CFAP57: variants seen among roughly 807,000 people sequenced by gnomAD.
CFAP57 encodes cilia and flagella associated protein 57, also known as cilia- and flagella-associated protein 57.
CFAP57 carries 116 observed loss-of-function variants against 146.8 expected under a neutral mutation model. The ratio of observed to expected loss-of-function variants is 0.79; its 90% CI spans 0.68 to 0.92. The LOEUF is 0.92. CFAP57 is among the 40% of genes least tolerant of loss of function. The probability of loss-of-function intolerance (pLI) is 0.00; values close to 1 mark genes in which losing one functional copy is unlikely to be tolerated. For missense variants in CFAP57, 1,377 were observed against 1,527.2 expected, an observed-to-expected ratio of 0.90 and a Z score of 1.64; for synonymous variants, 518 against 552.8, an observed-to-expected ratio of 0.94 and a Z score of 0.88.
intron 7 of CFAP57, 145 bp from the exon 8 acceptor site, chr1:43,198,336 C>A: frequency 1.1e-6 from 1 of 928,574 alleles, no homozygotes; most frequent in Non-Finnish European, 1.6e-6. Context: ...CCCCTAATAA[C>A]CAAGATCTAG....
At chr1:43,208,446 A>G (rs965787147) in intron 10 of CFAP57, among the ~76,000 whole-genome samples, 1 of 152,246 alleles carries the variant, frequency 6.6e-6, no homozygotes, top group African/African-American at 2.4e-5. Flanking sequence ...CATATACACC[A>G]TGGAATACTA....
At chr1:43,217,919 T>C (rs1644897701) in intron 12 of CFAP57, among the ~76,000 whole-genome samples, 1 of 152,218 alleles carries the variant, frequency 6.6e-6, no homozygotes, top group Admixed American at 6.5e-5. Context: ...CAGTCTTGGC[T>C]GCCCCTTCCT....
Position 43,254,027 on chromosome 1 carries a change from C to T in CFAP57, c.3589C>T (p.Gln1197Ter). 6.4e-7 allele frequency: 1 copy of T among 1,550,596 alleles called. No homozygotes were observed. Among genetic ancestry groups the T allele is most frequent in the Non-Finnish European group, 8.7e-7 (1 of 1,147,010 alleles). The change falls in exon 23 of 23, where the codon CAA becomes TAA. Residue 1197 changes from glutamine (Q) to a stop codon, truncating the protein, a stop_gained. Transcript: ENST00000372492. LOFTEE classifies it high-confidence loss of function. ...AGCTCCCACCGCAAGGTTGAATGAGCAAGAAGAAACTGGGAGGATCATTGA... is the reference window on the plus strand; with the variant it reads ...AGCTCCCACCGCAAGGTTGAATGAGTAAGAAGAAACTGGGAGGATCATTGA... ...STAPTARLNE[Q>*]EETGRIIEMQ...
intron 6 of CFAP57, among the ~76,000 whole-genome samples, chr1:43,196,840 C>T (rs1033821244): frequency 6.6e-6 from 1 of 152,146 alleles, no homozygotes; most frequent in South Asian, 2.1e-4. Context: ...ATCATTCATA[C>T]AATTTTTCCC....
chr1:43,198,778 G>A, intron 8 of CFAP57, 132 bp downstream of exon 8: 2 of 913,948 alleles, frequency 2.2e-6, no homozygotes, highest in Non-Finnish European at 1.7e-6. Flanking sequence ...TAAAAAAAGG[G>A]GGAAGGAGGA....
rs35273028 is a variant in CFAP57, at chr1:43,213,888, C to CTT, written c.1930-1353_1930-1352dup. On this transcript the variant is annotated intron_variant, in intron 11 of 22. Coordinates refer to ENST00000372492, the MANE Select transcript of CFAP57 (RefSeq NM_001378189.1). ...AATGTCTATTCATGTCCTTAGCCCA[C>CTT]TTTTTTTTTTTTTTTGAGATAGAGT... 2.4e-3 allele frequency among the ~76,000 whole-genome samples: 335 copies of CTT among 139,712 alleles called. 2 individuals carry two copies. The highest frequency in any genetic ancestry group is 0.011 in the Middle Eastern group (3 of 270). The allele number at this position is 139,712 out of a possible 152,430, so 91.7% of individuals were successfully genotyped here.
At chr1:43,217,641 C>G (rs77039338) in intron 12 of CFAP57, among the ~76,000 whole-genome samples, 1 of 152,116 alleles carries the variant, frequency 6.6e-6, no homozygotes, top group Non-Finnish European at 1.5e-5. Context: ...TCTCCAACCT[C>G]TCCATTCCTC....
chr1:43,190,610 GT>G (rs1643456346), intron 6 of CFAP57, among the ~76,000 whole-genome samples: 1 of 151,902 alleles, frequency 6.6e-6, no homozygotes, highest in Non-Finnish European at 1.5e-5. Flanking sequence ...CTGTCTGTAG[GT>G]TTTTTTGAAG....
chr1:43,196,490 A>G (rs866047044), intron 6 of CFAP57: 1 of 153,386 alleles, frequency 6.5e-6, no homozygotes, highest in Non-Finnish European at 1.5e-5. Flanking sequence ...AGGCCTGGTT[A>G]ATACTTGGAT....
At chr1:43,199,850 G>A (rs752250290) in intron 9 of CFAP57, among the ~76,000 whole-genome samples, 4 of 152,196 alleles carry the variant, frequency 2.6e-5, no homozygotes, top group Admixed American at 6.5e-5. Flanking sequence ...AGAGATGGGA[G>A]ACTCATAGGG....
chr1:43,240,584 G>A (rs1367418812), intron 21 of CFAP57, among the ~76,000 whole-genome samples: 2 of 152,192 alleles, frequency 1.3e-5, no homozygotes, highest in East Asian at 1.9e-4. Flanking sequence ...AGAAACACAA[G>A]TACAAATCCT....
chr1:43,189,951 T>C lies in CFAP57; in HGVS notation c.1122+3092T>C, dbSNP rs186003524. 7.2e-5 allele frequency among the ~76,000 whole-genome samples: 11 copies of C among 152,312 alleles called. No homozygotes were observed. The East Asian group carries it at 2.1e-3, about 29-fold the overall frequency. ...ATTCATAAACCATTCATGAGGGATA[T>C]GCCCCCAATGATCCAAGCACCTCCC... On this transcript the variant is annotated intron_variant, in intron 6 of 22. Coordinates refer to ENST00000372492, the MANE Select transcript of CFAP57 (RefSeq NM_001378189.1).
chr1:43,235,490 G>T (rs1442151090), intron 21 of CFAP57, among the ~76,000 whole-genome samples: 1 of 152,206 alleles, frequency 6.6e-6, no homozygotes, highest in Non-Finnish European at 1.5e-5. Flanking sequence ...GTTGCAGTTA[G>T]ATTGAAACAA....
chr1:43,210,827 A>T (rs890277106), intron 11 of CFAP57: 3 of 152,256 alleles, frequency 2.0e-5, no homozygotes, highest in African/African-American at 7.2e-5. Context: ...AATTTTACAG[A>T]ATATGTATTT....
intron 22 of CFAP57, among the ~76,000 whole-genome samples, chr1:43,253,391 G>A (rs1054442335): frequency 6.6e-5 from 10 of 152,334 alleles, no homozygotes; most frequent in South Asian, 6.2e-4. Context: ...CTGGCATGGC[G>A]TGGAGGCCAA....
intron 22 of CFAP57, among the ~76,000 whole-genome samples, chr1:43,248,018 G>A (rs994562095): frequency 1.1e-4 from 17 of 151,590 alleles, no homozygotes; most frequent in Non-Finnish European, 2.1e-4. Flanking sequence ...CCAGCTACTC[G>A]GGAGGTAGCC....
chr1:43,191,461 C>G (rs1302234562), intron 6 of CFAP57, among the ~76,000 whole-genome samples: 1 of 151,946 alleles, frequency 6.6e-6, no homozygotes, highest in Non-Finnish European at 1.5e-5. Context: ...GTGGTGGGCG[C>G]CTGTGGTCCC....
chr1:43,239,023 C>G (rs376788165), intron 21 of CFAP57, among the ~76,000 whole-genome samples: 8 of 151,828 alleles, frequency 5.3e-5, no homozygotes, highest in Non-Finnish European at 1.2e-4. Context: ...TTCTGCTTGC[C>G]GCCTCCTGGC....
At chr1:43,236,258 GGT>G (rs1376645108) in intron 21 of CFAP57, among the ~76,000 whole-genome samples, 2 of 152,002 alleles carry the variant, frequency 1.3e-5, no homozygotes, top group African/African-American at 2.4e-5. Context: ...CAGGGTGGGG[GGT>G]GTGTGGCAGG....
Sources: gnomAD v4.1 joint callset for allele counts (sites outside exome capture counted in the v4.1 genomes callset) on GRCh38, gnomAD v4.1.1 for gene constraint, MANE v1.5 for transcripts, NCBI Gene and HGNC (gene_info 2026-07-23, HGNC 2026-07-21) for gene names.